The following LRP6 variants were observed in gnomAD, a reference collection of about 807,000 sequenced individuals.
LRP6 encodes low-density lipoprotein receptor-related protein 6.
In LRP6, 43 loss-of-function variants were observed where a neutral mutation model predicts 184.1. The ratio of observed to expected loss-of-function variants is 0.23; its 90% CI spans 0.18 to 0.30. The LOEUF is 0.30. Among genes scored for constraint, LRP6 ranks in the 10% least tolerant of loss-of-function variants. The pLI is 1.00. For missense variants in LRP6, 1,571 were observed against 2,005.3 expected, an observed-to-expected ratio of 0.78 and a Z score of 4.14; for synonymous variants, 719 against 684.9, an observed-to-expected ratio of 1.05 and a Z score of -0.78.
chr12:12,149,635 A>T (rs2136916302), intron 13 of LRP6, among the ~76,000 whole-genome samples: 1 of 152,322 alleles, frequency 6.6e-6, no homozygotes, highest in Middle Eastern at 3.4e-3. Flanking sequence ...ATGCTGTTAA[A>T]CATCCTACAA....
At chr12:12,135,362 G>A in intron 16 of LRP6, 62 bp from the exon 17 acceptor site, 1 of 1,195,476 alleles carries the variant, frequency 8.4e-7, no homozygotes. Context: ...AGAAGTGGGA[G>A]AGAAGAGAAA....
intron 2 of LRP6, among the ~76,000 whole-genome samples, chr12:12,212,397 A>C (rs138460598): frequency 6.6e-6 from 1 of 152,344 alleles, no homozygotes; most frequent in African/African-American, 2.4e-5. Context: ...GCACAAAAGC[A>C]TGAAGAGAGC....
intron 2 of LRP6, among the ~76,000 whole-genome samples, chr12:12,228,085 G>C (rs1864676681): frequency 6.6e-6 from 1 of 152,092 alleles, no homozygotes; most frequent in African/African-American, 2.4e-5. Context: ...AAGAAAGAGA[G>C]CCTGGCCAGG....
chr12:12,172,300 C>T (rs894313989), intron 7 of LRP6, among the ~76,000 whole-genome samples: 1 of 152,168 alleles, frequency 6.6e-6, no homozygotes, highest in African/African-American at 2.4e-5. Context: ...AGGAAATAGA[C>T]GTGGGTTAAC....
At chr12:12,178,695 A>G (rs149554443) in intron 7 of LRP6, among the ~76,000 whole-genome samples, 1 of 152,330 alleles carries the variant, frequency 6.6e-6, no homozygotes, top group Non-Finnish European at 1.5e-5. Flanking sequence ...TTGGATTTGA[A>G]AAGAGTGGGA....
rs540799042 is a variant in LRP6, at chr12:12,230,373, C to T, written c.449+13889G>A. ...CACAAGCCCTAATTTGGTAAGTATA[C>T]TCAATCTGAATTCGGCTTCCCATAA... On this transcript the variant is annotated intron_variant, in intron 2 of 22. Coordinates refer to ENST00000261349, the MANE Select transcript of LRP6 (RefSeq NM_002336.3). Among the ~76,000 whole-genome samples, 18 of 152,212 alleles carry T rather than the reference C, an allele frequency of 1.2e-4. No homozygotes were observed. The South Asian group carries it at 3.7e-3, about 32-fold the overall frequency.
In LRP6 at chr12:12,187,113, T is replaced by C. The variant is rs1272369814; in HGVS notation, c.654A>G (p.Ala218=). The change falls in exon 4 of 23, where the codon GCA becomes GCG. Residue 218 remains alanine, a synonymous_variant. Coordinates refer to ENST00000261349, the MANE Select transcript of LRP6 (RefSeq NM_002336.3). ...KSNLDGTNRQ[A]VVKGSLPHPF... is the part of the protein sequence containing the mutation. ...GATGTGGAAGGGAACCTTTAACCAC[T>C]GCCTGCCTATTAACATAAAGAGAAA... 8 of 1,613,982 alleles carry C rather than the reference T, an allele frequency of 5.0e-6. No homozygotes were observed. The highest frequency in any genetic ancestry group is 6.8e-6 in the Non-Finnish European group (8 of 1,179,958).
At chr12:12,221,465 C>CA (rs765997940) in intron 2 of LRP6, among the ~76,000 whole-genome samples, 3 of 152,308 alleles carry the variant, frequency 2.0e-5, no homozygotes, top group East Asian at 3.9e-4. Flanking sequence ...ATAACAGCAT[C>CA]AACAGCATCA....
intron 6 of LRP6, among the ~76,000 whole-genome samples, chr12:12,180,243 T>C (rs906899293): frequency 2.7e-5 from 4 of 149,878 alleles, no homozygotes; most frequent in African/African-American, 7.3e-5. Flanking sequence ...TTTACTTCTT[T>C]TTTTTTTTTT....
intron 2 of LRP6, among the ~76,000 whole-genome samples, chr12:12,215,157 T>C (rs1188119228): frequency 1.3e-5 from 2 of 152,172 alleles, no homozygotes; most frequent in Admixed American, 1.3e-4. Flanking sequence ...TTTTGGTAAC[T>C]CATTTTTATT....
chr12:12,217,346 A>G (rs1357416107), intron 2 of LRP6, among the ~76,000 whole-genome samples: 1 of 152,062 alleles, frequency 6.6e-6, no homozygotes, highest in African/African-American at 2.4e-5. Context: ...TCACCCCTAG[A>G]TAAGACCATC....
chr12:12,151,095 C>A, intron 12 of LRP6, 57 bp from the exon 13 acceptor site: 1 of 1,364,134 alleles, frequency 7.3e-7, no homozygotes, highest in Non-Finnish European at 1.0e-6. Context: ...CCTCTATCAT[C>A]CAATGATTTG....
At chr12:12,246,375 G>A (rs1329634661) in intron 1 of LRP6, among the ~76,000 whole-genome samples, 3 of 151,646 alleles carry the variant, frequency 2.0e-5, no homozygotes, top group Non-Finnish European at 4.4e-5. Flanking sequence ...GTATTGGATA[G>A]CACACATCTA....
At chr12:12,145,525 TC>T (rs1949993029) in intron 15 of LRP6, among the ~76,000 whole-genome samples, 1 of 56,414 alleles carries the variant, frequency 1.8e-5, no homozygotes, top group African/African-American at 7.0e-5. Flanking sequence ...CCTCCCTCCC[TC>T]CCTCCCTCCC....
In LRP6 at chr12:12,203,355, A is replaced by G. The variant is rs780958560; in HGVS notation, c.495T>C (p.Arg165=). The G allele has an allele frequency of 5.6e-6, 9 of 1,614,150 alleles. No individual in the cohort carries two copies. The highest frequency in any genetic ancestry group is 7.6e-6 in the Non-Finnish European group (9 of 1,179,992). Residue 165 remains arginine, a synonymous_variant, in exon 3 of 23, where the codon CGT becomes CGC. Transcript: ENST00000261349. ...AGCGACTTGAACCATCCATTCCAGC[A>G]CGTTCTATCTTTGGCACTTCTCCCC... The part of the protein sequence containing the change: ...TDWGEVPKIE[R]AGMDGSSRFI...
At chr12:12,258,437 TTAAC>T (rs1473738273) in intron 1 of LRP6, among the ~76,000 whole-genome samples, 1 of 152,198 alleles carries the variant, frequency 6.6e-6, no homozygotes, top group African/African-American at 2.4e-5. Context: ...AATTTATAAT[TTAAC>T]TATAGCTAAT....
intron 2 of LRP6, among the ~76,000 whole-genome samples, chr12:12,216,045 T>C (rs754257448): frequency 9.2e-5 from 14 of 152,264 alleles, no homozygotes; most frequent in African/African-American, 2.4e-4. Context: ...ATTTGTGTGA[T>C]AGACTAATGT....
intron 22 of LRP6, 65 bp from the exon 23 acceptor site, chr12:12,121,485 G>C: frequency 6.9e-7 from 1 of 1,453,882 alleles, no homozygotes; most frequent in Non-Finnish European, 9.7e-7. Context: ...TCCCCTCTCA[G>C]AATAGAGGTA....
intron 3 of LRP6, among the ~76,000 whole-genome samples, chr12:12,197,234 CTAAA>C (rs1863786107): frequency 6.6e-6 from 1 of 152,190 alleles, no homozygotes; most frequent in Non-Finnish European, 1.5e-5. Context: ...TGAAATGACC[CTAAA>C]TAGTCTTTAA....
Sources: allele counts gnomAD v4.1 joint callset (sites outside exome capture counted in the v4.1 genomes callset), GRCh38; gene constraint gnomAD v4.1.1; transcripts MANE v1.5; gene names NCBI Gene and HGNC (gene_info 2026-07-23, HGNC 2026-07-21).